The following VPS41 variants were observed in gnomAD, a reference collection of about 807,000 sequenced individuals.
VPS41 encodes the protein vacuolar protein sorting-associated protein 41 homolog.
Under a neutral mutation model 130.9 loss-of-function variants are expected in VPS41, and 85 were observed. That is an observed-to-expected ratio of 0.65 (90% confidence interval 0.55 to 0.78). VPS41 has a LOEUF of 0.78. Among genes scored for constraint, VPS41 ranks in the 30% least tolerant of loss-of-function variants. VPS41 has a pLI of 0.00. For synonymous variants in VPS41, 335 were observed against 332.9 expected (o/e 1.01, Z -0.07); for missense variants, 874 against 1,018.7 (o/e 0.86, Z 1.93).
chr7:38,734,775 C>A (rs954275557), intron 25 of VPS41, among the ~76,000 whole-genome samples: 2 of 152,172 alleles, frequency 1.3e-5, no homozygotes, highest in South Asian at 4.1e-4. Context: ...GCTGACATTG[C>A]CTTGTTCATA....
intron 25 of VPS41, among the ~76,000 whole-genome samples, chr7:38,729,830 A>G (rs1795626451): frequency 6.6e-6 from 1 of 152,152 alleles, no homozygotes; most frequent in Non-Finnish European, 1.5e-5. Context: ...GCACAGTGTG[A>G]GCTCCCACCC....
chr7:38,877,934 T>G (rs1002161143), intron 2 of VPS41, among the ~76,000 whole-genome samples: 6 of 152,168 alleles, frequency 3.9e-5, no homozygotes, highest in Non-Finnish European at 7.4e-5. Flanking sequence ...ACCCCTGCCC[T>G]ACCCCTTAGC....
chr7:38,780,653 T>C (rs1208296998), intron 10 of VPS41, among the ~76,000 whole-genome samples: 4 of 152,156 alleles, frequency 2.6e-5, no homozygotes, highest in African/African-American at 7.2e-5. Flanking sequence ...CATGGAAATA[T>C]AATGTGGGCC....
At chr7:38,860,973 T>C (rs920600041) in intron 4 of VPS41, among the ~76,000 whole-genome samples, 4 of 151,968 alleles carry the variant, frequency 2.6e-5, no homozygotes, top group African/African-American at 9.7e-5. Context: ...GGTGCAAAGC[T>C]ATAGAGAGCT....
At chr7:38,731,801 C>CA (rs1562564040) in intron 25 of VPS41, among the ~76,000 whole-genome samples, 1 of 151,818 alleles carries the variant, frequency 6.6e-6, no homozygotes, top group South Asian at 2.1e-4. Flanking sequence ...AAACTGAAAA[C>CA]AAAAAAAGAC....
In VPS41 at chr7:38,757,891, C is replaced by T. The variant is rs181098186; in HGVS notation, c.1550+463G>A. Among the ~76,000 whole-genome samples the T allele has an allele frequency of 9.6e-3, 1,465 of 152,276 alleles. 93 individuals carry two copies. The highest frequency in any genetic ancestry group is 0.09 in the Admixed American group (1,374 of 15,294). ...GCCCAAGAAATATGAAAAATATTAACCAAGCTGCCATTTTCTGAGCCCTGA... is the reference window on the plus strand; with the variant it reads ...GCCCAAGAAATATGAAAAATATTAATCAAGCTGCCATTTTCTGAGCCCTGA... On this transcript the variant is annotated intron_variant, in intron 18 of 28. Coordinates refer to ENST00000310301, the MANE Select transcript of VPS41 (RefSeq NM_014396.4).
At chr7:38,776,636 G>A (rs1477376738) in intron 11 of VPS41, 43 bp downstream of exon 11, 1 of 1,125,506 alleles carries the variant, frequency 8.9e-7, no homozygotes, top group Middle Eastern at 2.0e-4. Context: ...AATGCTAAAA[G>A]TGAACCCCCA....
intron 17 of VPS41, among the ~76,000 whole-genome samples, chr7:38,760,945 G>A (rs1239117516): frequency 1.3e-5 from 2 of 152,058 alleles, no homozygotes; most frequent in African/African-American, 2.4e-5. Flanking sequence ...AGTTCCACCC[G>A]ATTTCTACCA....
intron 4 of VPS41, among the ~76,000 whole-genome samples, chr7:38,858,280 C>T (rs191050063): frequency 1.3e-5 from 2 of 152,268 alleles, no homozygotes; most frequent in East Asian, 3.9e-4. Flanking sequence ...TCAGGGCTTG[C>T]TATCTGTCAT....
intron 6 of VPS41, among the ~76,000 whole-genome samples, chr7:38,820,542 T>C (rs1785150420): frequency 6.6e-6 from 1 of 152,232 alleles, no homozygotes. Context: ...TCTTAAAGCT[T>C]AGTTCAGTTT....
At chr7:38,749,907 G>C (rs1193745459) in intron 22 of VPS41, among the ~76,000 whole-genome samples, 2 of 152,030 alleles carry the variant, frequency 1.3e-5, no homozygotes, top group Admixed American at 1.3e-4. Flanking sequence ...TTCTCGCCTA[G>C]GCCGGAGTGC....
Position 38,784,618 on chromosome 7 carries a change from A to C in VPS41, c.784+5183T>G, listed in dbSNP as rs1402888547. ...CCACTGCACTAAAGCCTGGGCAAAG[A>C]GCAAGACCCTATATCGAAAGAAGGA... On this transcript the variant is annotated intron_variant, in intron 10 of 28. Coordinates refer to ENST00000310301, the MANE Select transcript of VPS41 (RefSeq NM_014396.4). Among the ~76,000 whole-genome samples, 13 of 139,896 alleles carry C rather than the reference A, an allele frequency of 9.3e-5. No homozygotes were observed. The East Asian group carries it at 2.9e-3, about 31-fold the overall frequency. The allele number at this position is 139,896 out of a possible 152,430, so 91.8% of individuals were successfully genotyped here.
intron 10 of VPS41, among the ~76,000 whole-genome samples, chr7:38,783,746 A>C (rs1220776870): frequency 6.6e-6 from 1 of 152,326 alleles, no homozygotes; most frequent in East Asian, 1.9e-4. Context: ...CATTTAAAAA[A>C]AAAACTGTTT....
At chr7:38,867,971 A>G (rs1786265276) in intron 3 of VPS41, among the ~76,000 whole-genome samples, 1 of 152,264 alleles carries the variant, frequency 6.6e-6, no homozygotes, top group Non-Finnish European at 1.5e-5. Flanking sequence ...TGAAAGGATT[A>G]GAGATCAGGA....
At chr7:38,900,012 C>T (rs1270103442) in intron 1 of VPS41, among the ~76,000 whole-genome samples, 1 of 152,086 alleles carries the variant, frequency 6.6e-6, no homozygotes, top group African/African-American at 2.4e-5. Context: ...TTTTGGGAGG[C>T]CGAGGCAGGT....
At position 38,772,647 on chromosome 7, in the gene VPS41, AG is replaced by A; in HGVS notation, c.1013-11del. On this transcript the variant is annotated splice_polypyrimidine_tract_variant and intron_variant, in intron 12 of 28. Transcript: ENST00000310301. The stretch of plus-strand genomic sequence containing the variant: ...TCCCCTTCAGAGTATTCTGTAGGTG[AG>A]AAAAGAGAGGAACGACTTGGTGACT... 6.3e-7 allele frequency: 1 copy of A among 1,588,478 alleles called. No individual in the cohort carries two copies. The highest frequency in any genetic ancestry group is 8.6e-7 in the Non-Finnish European group (1 of 1,158,812).
chr7:38,846,145 T>TA (rs959268650), intron 4 of VPS41, among the ~76,000 whole-genome samples: 6 of 152,214 alleles, frequency 3.9e-5, no homozygotes, highest in Middle Eastern at 3.4e-3. Context: ...AAAGAGAATT[T>TA]AAAAAAAATG....
At chr7:38,876,668 G>A (rs2116364659) in intron 2 of VPS41, among the ~76,000 whole-genome samples, 1 of 145,818 alleles carries the variant, frequency 6.9e-6, no homozygotes. Context: ...TCTCAAAGCT[G>A]CTTTGCTTTA....
chr7:38,731,535 A>G lies in VPS41; in HGVS notation c.2260-2744T>C, dbSNP rs1179393806. 3.3e-5 allele frequency among the ~76,000 whole-genome samples: 5 copies of G among 152,158 alleles called. No individual in the cohort carries two copies. In the East Asian group the frequency reaches 7.7e-4, roughly 23 times the overall value. On this transcript the variant is annotated intron_variant, in intron 25 of 28. Coordinates refer to ENST00000310301, the MANE Select transcript of VPS41 (RefSeq NM_014396.4). ...TCACCTCTTTTTGACCTTCACACTC[A>G]TGATTTTGGATGACTGCTATGTTTC... is the stretch of plus-strand genomic sequence containing the variant.
Sources: allele counts gnomAD v4.1 joint callset (sites outside exome capture counted in the v4.1 genomes callset), GRCh38; gene constraint gnomAD v4.1.1; transcripts MANE v1.5; gene names NCBI Gene and HGNC (gene_info 2026-07-23, HGNC 2026-07-21).